The following TMEM170B variants were observed in gnomAD, a reference collection of about 807,000 sequenced individuals.
TMEM170B encodes transmembrane protein 170B.
TMEM170B carries 6 observed loss-of-function variants against 13.0 expected under a neutral mutation model. The ratio of observed to expected loss-of-function variants is 0.46; its 90% CI spans 0.25 to 0.91. The LOEUF is 0.91. Among genes scored for constraint, TMEM170B ranks in the 40% least tolerant of loss-of-function variants. The pLI is 0.17. For synonymous variants in TMEM170B, 61 were observed against 64.9 expected (o/e 0.94, Z 0.29); for missense variants, 138 against 165.2 (o/e 0.84, Z 0.90).
At chr6:11,563,743 T>A (rs972024168) in intron 1 of TMEM170B, among the ~76,000 whole-genome samples, 1 of 152,186 alleles carries the variant, frequency 6.6e-6, no homozygotes, top group Non-Finnish European at 1.5e-5. Context: ...GGCAGGAGAA[T>A]TACTTGAGGC....
intron 2 of TMEM170B, among the ~76,000 whole-genome samples, chr6:11,573,310 A>G (rs769640911): frequency 1.4e-4 from 22 of 152,094 alleles, no homozygotes; most frequent in Non-Finnish European, 2.9e-4. Context: ...CAGGGACCTA[A>G]ATTTATTTTT....
chr6:11,573,632 A>G (rs185669934), intron 2 of TMEM170B, among the ~76,000 whole-genome samples: 50 of 152,306 alleles, frequency 3.3e-4, no homozygotes, highest in African/African-American at 1.2e-3. Context: ...GTAAGCATGC[A>G]ACGTTTGAAT....
chr6:11,581,215 C>G lies in TMEM170B; in HGVS notation c.*5654C>G, dbSNP rs957115357. On this transcript the variant is annotated 3_prime_UTR_variant, in exon 3 of 3. Transcript: ENST00000379426. ...ATTTATTGCACATATACTGAACTTA[C>G]ATAATAACTCTTCCCTGATTTTGAG... 1 of 152,186 alleles carries G rather than the reference C, an allele frequency of 6.6e-6. No homozygotes were observed. Among genetic ancestry groups the G allele is most frequent in the East Asian group, 1.9e-4 (1 of 5,200 alleles). 9.4% of individuals were successfully genotyped at this position (152,186 alleles called of 1,614,324 possible). A position where few individuals can be genotyped will look rare whatever the true frequency, so the allele number is the denominator to read the frequency against.
intron 1 of TMEM170B, among the ~76,000 whole-genome samples, chr6:11,549,040 T>A (rs1040150705): frequency 3.3e-5 from 5 of 152,114 alleles, no homozygotes; most frequent in African/African-American, 1.2e-4. Flanking sequence ...AACCTGCACG[T>A]TGTGCACATG....
chr6:11,579,281 T>A lies in TMEM170B; in HGVS notation c.*3720T>A, dbSNP rs1271861625. 2 of 152,212 alleles carry A rather than the reference T, an allele frequency of 1.3e-5. No individual in the cohort carries two copies. The highest frequency in any genetic ancestry group is 2.9e-5 in the Non-Finnish European group (2 of 68,034). The allele number at this position is 152,212 out of a possible 1,614,324, so 9.4% of individuals were successfully genotyped here. A position where few individuals can be genotyped will look rare whatever the true frequency, so the allele number is the denominator to read the frequency against. ...AATTAAGACTCTGTCACTTGTCAACTTTTTGACCTTGAGCAAATCACTTAA... is the reference window on the plus strand; with the variant it reads ...AATTAAGACTCTGTCACTTGTCAACATTTTGACCTTGAGCAAATCACTTAA... On this transcript the variant is annotated 3_prime_UTR_variant, in exon 3 of 3. Coordinates refer to ENST00000379426, the MANE Select transcript of TMEM170B (RefSeq NM_001100829.3).
At chr6:11,556,428 C>T (rs917584408) in intron 1 of TMEM170B, among the ~76,000 whole-genome samples, 2 of 152,158 alleles carry the variant, frequency 1.3e-5, no homozygotes, top group Non-Finnish European at 2.9e-5. Flanking sequence ...GCCATTTCTT[C>T]ACAACTATGC....
chr6:11,570,143 G>A (rs1759782063), intron 2 of TMEM170B, among the ~76,000 whole-genome samples: 1 of 152,136 alleles, frequency 6.6e-6, no homozygotes, highest in African/African-American at 2.4e-5. Flanking sequence ...AGAACATGTA[G>A]TGTAGCTCTA....
intron 2 of TMEM170B, among the ~76,000 whole-genome samples, chr6:11,571,584 TCC>T (rs1019027508): frequency 3.3e-4 from 50 of 152,294 alleles, no homozygotes; most frequent in African/African-American, 1.1e-3. Flanking sequence ...CAGTGGCAGA[TCC>T]GCATGCGTTA....
intron 1 of TMEM170B, among the ~76,000 whole-genome samples, chr6:11,540,170 G>A (rs1759339660): frequency 6.6e-6 from 1 of 152,178 alleles, no homozygotes; most frequent in Admixed American, 6.5e-5. Context: ...CTGGAGATTG[G>A]GATGATGGCA....
At chr6:11,559,230 G>A (rs1038299427) in intron 1 of TMEM170B, among the ~76,000 whole-genome samples, 14 of 136,794 alleles carry the variant, frequency 1.0e-4, no homozygotes, top group Middle Eastern at 8.1e-3. Flanking sequence ...GTTTCACTCT[G>A]TCACCCAGGC....
intron 1 of TMEM170B, 63 bp downstream of exon 1, chr6:11,538,437 C>A: frequency 7.9e-7 from 1 of 1,258,168 alleles, no homozygotes; most frequent in Non-Finnish European, 1.1e-6. Flanking sequence ...CTTCTCCTTC[C>A]TCGGGAGGGG....
In TMEM170B at chr6:11,562,898, C is replaced by T. The variant is rs187537162; in HGVS notation, c.98-2768C>T. 4.6e-5 allele frequency among the ~76,000 whole-genome samples: 7 copies of T among 152,298 alleles called. No homozygotes were observed. In the East Asian group the frequency reaches 1.4e-3, roughly 29 times the overall value. On this transcript the variant is annotated intron_variant, in intron 1 of 2. Transcript: ENST00000379426. ...CTCATGTTGCTTTTTAATAACCATA[C>T]CCTCCTTCCTTTTTAAGGAGTTTTT...
At chr6:11,552,637 A>G (rs1008168165) in intron 1 of TMEM170B, among the ~76,000 whole-genome samples, 1 of 152,208 alleles carries the variant, frequency 6.6e-6, no homozygotes, top group Non-Finnish European at 1.5e-5. Flanking sequence ...CATATTCAGC[A>G]GGTTTGGGGG....
In TMEM170B at chr6:11,553,826, A is replaced by C. The variant is rs150728328; in HGVS notation, c.98-11840A>C. Among the ~76,000 whole-genome samples the C allele has an allele frequency of 6.3e-3, 954 of 152,266 alleles. 12 individuals are homozygous for C. The highest frequency in any genetic ancestry group is 0.022 in the African/African-American group (896 of 41,546). On this transcript the variant is annotated intron_variant, in intron 1 of 2. Transcript: ENST00000379426. ...GTAGAGTAAGGTTTAGAACCAAGAA[A>C]ATCTTTGCTCTCTGCACACCTCTGA...
At chr6:11,550,863 A>G (rs1409880907) in intron 1 of TMEM170B, among the ~76,000 whole-genome samples, 1 of 152,242 alleles carries the variant, frequency 6.6e-6, no homozygotes, top group Non-Finnish European at 1.5e-5. Context: ...TGGTGCTGTC[A>G]GAGATACAAA....
rs762022911 is a variant in TMEM170B at position 11,575,892 on chromosome 6, C to T, written c.*331C>T. On this transcript the variant is annotated 3_prime_UTR_variant, in exon 3 of 3. Coordinates refer to ENST00000379426, the MANE Select transcript of TMEM170B (RefSeq NM_001100829.3). The surrounding 1 kb of genome is among the most constrained non-coding windows in gnomAD (Gnocchi z 4.1). ...ACAGTGTTATGTTAAGTTACAGGGA[C>T]GTTTTGAGGTATTGATATATGTGCC... The T allele has an allele frequency of 2.1e-4, 39 of 183,236 alleles. No homozygotes were observed. Among genetic ancestry groups the T allele is most frequent in the Non-Finnish European group, 4.2e-4 (37 of 87,890 alleles). The allele number at this position is 183,236 out of a possible 1,614,324, so 11.4% of individuals were successfully genotyped here. A position where few individuals can be genotyped will look rare whatever the true frequency, so the allele number is the denominator to read the frequency against.
intron 1 of TMEM170B, among the ~76,000 whole-genome samples, chr6:11,558,792 G>A (rs556270448): frequency 6.6e-6 from 1 of 152,246 alleles, no homozygotes; most frequent in East Asian, 1.9e-4. Flanking sequence ...CAGAAACTGA[G>A]GAATTAGAAC....
At chr6:11,548,870 A>G (rs182912951) in intron 1 of TMEM170B, among the ~76,000 whole-genome samples, 2 of 151,650 alleles carry the variant, frequency 1.3e-5, no homozygotes, top group East Asian at 1.9e-4. Flanking sequence ...GGGAATTGGA[A>G]CAATGAAAAC....
At position 11,538,432 on chromosome 6, in the gene TMEM170B, C is replaced by T. The variant is rs992854280; in HGVS notation, c.97+58C>T. 9 of 1,315,282 alleles carry T rather than the reference C, an allele frequency of 6.8e-6. No homozygotes were observed. In the East Asian group the frequency reaches 1.5e-4, roughly 22 times the overall value. The allele number at this position is 1,315,282 out of a possible 1,614,324, so 81.5% of individuals were successfully genotyped here. On this transcript the variant is annotated intron_variant, in intron 1 of 2. Transcript: ENST00000379426. ...GCGGTCCGCCCCTCTCCTGTCTTCT[C>T]CTTCCTCGGGAGGGGACACGCTCCT...
Sources: allele counts gnomAD v4.1 joint callset (sites outside exome capture counted in the v4.1 genomes callset), GRCh38; gene constraint gnomAD v4.1.1; non-coding constraint Gnocchi (gnomAD v3.1); transcripts MANE v1.5; gene names NCBI Gene and HGNC (gene_info 2026-07-23, HGNC 2026-07-21).